The following MAP4 variants were observed in gnomAD, a reference collection of about 807,000 sequenced individuals.
MAP4 encodes the protein microtubule associated protein 4.
MAP4 carries 76 observed loss-of-function variants against 170.2 expected under a neutral mutation model. The ratio of observed to expected loss-of-function variants is 0.45; its 90% CI spans 0.37 to 0.54. MAP4 has a LOEUF of 0.54. MAP4 is among the 20% of genes least tolerant of loss of function. MAP4 has a pLI of 0.00. For synonymous variants in MAP4, 909 were observed against 994.5 expected, an observed-to-expected ratio of 0.91 and a Z score of 1.62; for missense variants, 2,506 against 2,748.0, an observed-to-expected ratio of 0.91 and a Z score of 1.97.
chr3:47,869,070 C>G, intron 16 of MAP4, 144 bp downstream of exon 16: 1 of 664,938 alleles, frequency 1.5e-6, no homozygotes, highest in Non-Finnish European at 2.6e-6. Flanking sequence ...GCCGAGTCAT[C>G]AAGCACAGAG....
intron 3 of MAP4, among the ~76,000 whole-genome samples, chr3:47,977,357 C>T (rs1337635275): frequency 6.6e-6 from 1 of 152,106 alleles, no homozygotes; most frequent in Non-Finnish European, 1.5e-5. Context: ...TATCAAAACC[C>T]TAGTAAAGAG....
intron 1 of MAP4, among the ~76,000 whole-genome samples, chr3:48,014,435 G>GA (rs2100106793): frequency 6.6e-6 from 1 of 152,016 alleles, no homozygotes; most frequent in Non-Finnish European, 1.5e-5. Context: ...AAAATGCAGG[G>GA]AAAAAACTCA....
upstream of MAP4, among the ~76,000 whole-genome samples, chr3:48,020,090 TAGTC>T (rs2100109828): frequency 6.6e-6 from 1 of 152,200 alleles, no homozygotes; most frequent in Non-Finnish European, 1.5e-5. Flanking sequence ...TTCACCATGT[TAGTC>T]AGGCTGGTCT....
intron 1 of MAP4, among the ~76,000 whole-genome samples, chr3:48,012,502 G>A (rs553094435): frequency 2.0e-5 from 3 of 152,222 alleles, no homozygotes; most frequent in Admixed American, 2.0e-4. Flanking sequence ...GACATAAGAT[G>A]CAATCTACTC....
At chr3:47,944,557 G>C (rs2100058514) in intron 3 of MAP4, among the ~76,000 whole-genome samples, 1 of 151,314 alleles carries the variant, frequency 6.6e-6, no homozygotes, top group African/African-American at 2.4e-5. Context: ...TTTTAATTTG[G>C]GGAAAATGCT....
chr3:47,938,685 A>G (rs2351468), intron 3 of MAP4, among the ~76,000 whole-genome samples: 14,655 of 152,226 alleles, frequency 0.096, 2,374 homozygotes, highest in African/African-American at 0.33. Flanking sequence ...TACCAGGCCC[A>G]TATTTGAGTT....
intron 1 of MAP4, among the ~76,000 whole-genome samples, chr3:48,038,176 GA>G (rs397786308): frequency 0.58 from 69,307 of 119,410 alleles, 17,863 homozygotes; most frequent in Middle Eastern, 0.65. Context: ...TCCAAAAAAA[GA>G]AAAAAAAAAA....
upstream of MAP4, among the ~76,000 whole-genome samples, chr3:48,019,311 C>T (rs2100109412): frequency 6.6e-6 from 1 of 152,070 alleles, no homozygotes; most frequent in South Asian, 2.1e-4. Flanking sequence ...CACTGTACTC[C>T]AGTCTGGGCG....
chr3:47,863,928 G>A (rs2151214344), intron 17 of MAP4, among the ~76,000 whole-genome samples: 1 of 135,166 alleles, frequency 7.4e-6, no homozygotes, highest in African/African-American at 3.1e-5. Context: ...GTGGGTGTGT[G>A]TGTGTGTGTG....
intron 1 of MAP4, among the ~76,000 whole-genome samples, chr3:48,046,741 T>A (rs915783180): frequency 6.6e-6 from 1 of 152,202 alleles, no homozygotes; most frequent in African/African-American, 2.4e-5. Context: ...TTTCCTCTGT[T>A]GAGCTAGGTA....
intron 1 of MAP4, among the ~76,000 whole-genome samples, chr3:48,004,064 C>G (rs2100100851): frequency 6.6e-6 from 1 of 152,110 alleles, no homozygotes; most frequent in Non-Finnish European, 1.5e-5. Context: ...TTACTAAATT[C>G]CTCTTTTTAT....
upstream of MAP4, among the ~76,000 whole-genome samples, chr3:48,016,668 G>A (rs1044167815): frequency 2.0e-5 from 3 of 152,082 alleles, no homozygotes; most frequent in African/African-American, 4.8e-5. Context: ...TGAAAAAGGA[G>A]CATTTTTTTT....
At chr3:48,086,463 AC>A (rs2100149108) in intron 1 of MAP4, among the ~76,000 whole-genome samples, 1 of 151,862 alleles carries the variant, frequency 6.6e-6, no homozygotes, top group Admixed American at 6.6e-5. Context: ...ACGTGGCGAA[AC>A]CCCGTCTCTA....
chr3:48,067,602 C>T (rs1579762274), intron 1 of MAP4, among the ~76,000 whole-genome samples: 3 of 151,596 alleles, frequency 2.0e-5, no homozygotes, highest in Non-Finnish European at 2.9e-5. Context: ...ACCACCTCCC[C>T]GTTACTGTCT....
chr3:47,911,847 T>C lies in MAP4; in HGVS notation c.2574A>G (p.Leu858=), dbSNP rs892983034. 3 of 1,536,140 alleles carry C rather than the reference T, an allele frequency of 2.0e-6. No individual in the cohort carries two copies. The highest frequency in any genetic ancestry group is 2.6e-6 in the Non-Finnish European group (3 of 1,146,912). ...TTTTGGGGGCTTCTTCAGAAGGATA[T>C]AAAGGAATTCTGAGACTCTCTGAGA... ...NFVSESLRIP[L]YPSEEAPKTA... is the part of the protein sequence containing the mutation. The change falls in exon 9 of 21, where the codon TTA becomes TTG. Residue 858 remains leucine, a synonymous_variant. Coordinates refer to ENST00000683076, the MANE Select transcript of MAP4 (RefSeq NM_001385682.1). This position sits in a 1 kb window ranked among gnomAD's most constrained non-coding sequence, Gnocchi z 4.0.
chr3:47,903,297 G>T (rs2100031124), intron 9 of MAP4, among the ~76,000 whole-genome samples: 1 of 152,148 alleles, frequency 6.6e-6, no homozygotes, highest in Non-Finnish European at 1.5e-5. Context: ...ACTTTGGGAG[G>T]CCAAGGCGGG....
At chr3:48,005,473 G>T (rs1030376377) in intron 1 of MAP4, among the ~76,000 whole-genome samples, 1 of 152,188 alleles carries the variant, frequency 6.6e-6, no homozygotes, top group Non-Finnish European at 1.5e-5. Flanking sequence ...AGTTGGATCA[G>T]GCTGAATTTA....
chr3:48,009,711 C>A (rs1322238950), intron 1 of MAP4, among the ~76,000 whole-genome samples: 1 of 152,174 alleles, frequency 6.6e-6, no homozygotes, highest in Non-Finnish European at 1.5e-5. Context: ...CCAGGATTCA[C>A]AGGTCCAGGA....
intron 10 of MAP4, chr3:47,892,187 C>A: frequency 1.3e-6 from 2 of 1,536,374 alleles, no homozygotes; most frequent in Non-Finnish European, 1.7e-6. Context: ...CTCAAGGTGA[C>A]CTGAGGCTTC....
Sources: gnomAD v4.1 joint callset for allele counts (sites outside exome capture counted in the v4.1 genomes callset) on GRCh38, gnomAD v4.1.1 for gene constraint, Gnocchi (gnomAD v3.1) non-coding constraint, MANE v1.5 for transcripts, NCBI Gene and HGNC (gene_info 2026-07-23, HGNC 2026-07-21) for gene names.